The following ERI1 variants were observed in gnomAD, a reference collection of about 807,000 sequenced individuals.
ERI1 encodes exoribonuclease 1.
In ERI1, 39 loss-of-function variants were observed where a neutral mutation model predicts 39.7. That is an observed-to-expected ratio of 0.98 (90% CI 0.76 to 1.28). The LOEUF (loss-of-function observed/expected upper bound fraction) is 1.28. Among genes scored for constraint, ERI1 ranks in the 50% most tolerant of loss-of-function variants. The pLI is 0.00. For synonymous variants in ERI1, 204 were observed against 149.6 expected, an observed-to-expected ratio of 1.36 and a Z score of -2.65; for missense variants, 581 against 416.9, an observed-to-expected ratio of 1.39 and a Z score of -3.43.
chr8:9,018,265 G>C (rs982827538), intron 4 of ERI1, 32 bp from the exon 5 acceptor site: 1 of 1,388,266 alleles, frequency 7.2e-7, no homozygotes, highest in South Asian at 1.2e-5. Flanking sequence ...CTGCAGCCCT[G>C]ATTTTTGTAT....
chr8:9,082,380 A>G (rs574733158), intron 3 of ERI1, among the ~76,000 whole-genome samples: 1 of 152,324 alleles, frequency 6.6e-6, no homozygotes, highest in East Asian at 1.9e-4. Context: ...GCAGGAAAAG[A>G]CAGAAGGGCT....
intron 1 of ERI1, among the ~76,000 whole-genome samples, chr8:9,003,526 C>G (rs763591169): frequency 2.6e-5 from 4 of 152,322 alleles, no homozygotes; most frequent in Middle Eastern, 3.4e-3. Flanking sequence ...TTTTTAAAAT[C>G]TCACCATATA....
At chr8:9,058,157 G>A (rs548496708) in intron 3 of ERI1, among the ~76,000 whole-genome samples, 19 of 152,310 alleles carry the variant, frequency 1.2e-4, no homozygotes, top group Non-Finnish European at 2.4e-4. Context: ...AGAGGGCGGA[G>A]CAGACAGACT....
intron 2 of ERI1, among the ~76,000 whole-genome samples, chr8:9,010,773 C>T (rs6982619): frequency 0.27 from 40,733 of 152,020 alleles, 5,789 homozygotes; most frequent in Non-Finnish European, 0.31. Flanking sequence ...AGAATGAAGT[C>T]ACCTGATCAC....
At chr8:9,010,018 G>C (rs1178445451) in intron 2 of ERI1, among the ~76,000 whole-genome samples, 1 of 152,214 alleles carries the variant, frequency 6.6e-6, no homozygotes, top group African/African-American at 2.4e-5. Flanking sequence ...TTAGTGCTCA[G>C]TTCTCAAGTA....
Position 9,032,238 on chromosome 8 carries a change from C to G in ERI1, c.*2204C>G, listed in dbSNP as rs1797636776. On this transcript the variant is annotated 3_prime_UTR_variant, in exon 7 of 7. Coordinates refer to ENST00000250263, the MANE Select transcript of ERI1 (RefSeq NM_153332.4). Reference sequence around the variant, plus strand: ...AAGGAAACACGTAAGAGATGGATGTCCATGAAAACAATATTAGTATATTCT... The same window carrying G: ...AAGGAAACACGTAAGAGATGGATGTGCATGAAAACAATATTAGTATATTCT... The G allele has an allele frequency of 6.6e-6, 1 of 152,098 alleles. No homozygotes were observed. Among genetic ancestry groups the G allele is most frequent in the Non-Finnish European group, 1.5e-5 (1 of 68,034 alleles). The allele number at this position is 152,098 out of a possible 1,614,324, so 9.4% of individuals were successfully genotyped here.
At chr8:9,049,926 G>A (rs558749106) in intron 3 of ERI1, 2 of 152,326 alleles carry the variant, frequency 1.3e-5, no homozygotes, top group East Asian at 1.9e-4. Context: ...CCATGCCAAG[G>A]GCAGCCTGCA....
At chr8:9,097,372 A>G (rs1339163072) in intron 3 of ERI1, among the ~76,000 whole-genome samples, 2 of 152,138 alleles carry the variant, frequency 1.3e-5, no homozygotes, top group Non-Finnish European at 2.9e-5. Context: ...GAAGTAATTT[A>G]TCATTTAGGG....
chr8:9,008,062 A>C lies in ERI1; in HGVS notation c.201A>C (p.Lys67Asn), dbSNP rs1706511719. 3.7e-6 allele frequency: 6 copies of C among 1,612,338 alleles called. No homozygotes were observed. The highest frequency in any genetic ancestry group is 5.1e-6 in the Non-Finnish European group (6 of 1,179,544). The change falls in exon 2 of 7, where the codon AAA becomes AAC. Residue 67 changes from lysine (K) to asparagine (N), a missense_variant. Lys to Asn is a moderately conservative substitution (Grantham distance 94, BLOSUM62 0). Transcript: ENST00000250263. ...GTGACTTCAGTGACCCGGTTTACAA[A>C]GAGATTGCCATTACGAATGGCTGTA... The part of the protein sequence containing the change: ...SASDFSDPVY[K>N]EIAITNGCIN...
intron 3 of ERI1, among the ~76,000 whole-genome samples, chr8:9,087,075 C>T (rs1403436927): frequency 2.0e-5 from 3 of 151,674 alleles, no homozygotes; most frequent in African/African-American, 7.3e-5. Flanking sequence ...GATACATGTG[C>T]AGAATGTGCA....
chr8:9,062,332 G>C (rs1798727462), intron 3 of ERI1, among the ~76,000 whole-genome samples: 1 of 151,958 alleles, frequency 6.6e-6, no homozygotes, highest in African/African-American at 2.4e-5. Flanking sequence ...CTTTGAACTG[G>C]GGAAAAGGGC....
chr8:9,047,629 T>C (rs569808355), intron 3 of ERI1, among the ~76,000 whole-genome samples: 2 of 151,708 alleles, frequency 1.3e-5, no homozygotes, highest in East Asian at 3.9e-4. Context: ...AGCCCAGGAG[T>C]TTGAGGCTGC....
rs558410021 is a variant in ERI1, at chr8:9,015,085, C to A, written c.499-1237C>A. Among the ~76,000 whole-genome samples the A allele has an allele frequency of 2.0e-5, 3 of 152,146 alleles. No individual in the cohort carries two copies. The South Asian group carries it at 6.2e-4, about 32-fold the overall frequency. On this transcript the variant is annotated intron_variant, in intron 3 of 6. Transcript: ENST00000250263. Reference sequence around the variant, plus strand: ...CTCCTGACCTCAAGTAATCCACCCCCCTTGGCCTCCCAGAGTGCTGGGATT... The same window carrying A: ...CTCCTGACCTCAAGTAATCCACCCCACTTGGCCTCCCAGAGTGCTGGGATT...
At chr8:9,063,513 G>A (rs369824604) in intron 3 of ERI1, among the ~76,000 whole-genome samples, 174 of 152,114 alleles carry the variant, frequency 1.1e-3, no homozygotes, top group East Asian at 1.4e-3. Flanking sequence ...GACCTAGCTC[G>A]GCCTGGCAAG....
At chr8:9,044,524 T>C (rs1798119177) in intron 3 of ERI1, among the ~76,000 whole-genome samples, 1 of 152,092 alleles carries the variant, frequency 6.6e-6, no homozygotes, top group East Asian at 1.9e-4. Context: ...CTGGAGATGA[T>C]GGAGAAATAA....
chr8:9,033,971 C>T, downstream of ERI1, among the ~76,000 whole-genome samples: 3 of 152,342 alleles, frequency 2.0e-5, no homozygotes, highest in South Asian at 6.2e-4. Flanking sequence ...CTGTTAACTT[C>T]TAATGTGACC....
At chr8:9,005,823 A>G (rs889312904) in intron 1 of ERI1, among the ~76,000 whole-genome samples, 1 of 152,220 alleles carries the variant, frequency 6.6e-6, no homozygotes, top group African/African-American at 2.4e-5. Flanking sequence ...AGTTTGCCAC[A>G]AGATAGTAAA....
downstream of ERI1, among the ~76,000 whole-genome samples, chr8:9,038,136 C>T (rs1229180504): frequency 6.6e-6 from 1 of 152,146 alleles, no homozygotes; most frequent in Admixed American, 6.6e-5. Context: ...GTGGAGTCTC[C>T]ATACCATAGA....
chr8:9,028,161 A>G (rs1021655055), intron 6 of ERI1, among the ~76,000 whole-genome samples: 14 of 152,170 alleles, frequency 9.2e-5, no homozygotes, highest in Non-Finnish European at 1.8e-4. Context: ...CTAATTCTTT[A>G]AATATTTGCT....
Sources: gnomAD v4.1 joint callset for allele counts (sites outside exome capture counted in the v4.1 genomes callset) on GRCh38, gnomAD v4.1.1 for gene constraint, MANE v1.5 for transcripts, NCBI Gene and HGNC (gene_info 2026-07-23, HGNC 2026-07-21) for gene names.